Variants in NKTR observed in about 807,000 individuals in gnomAD.
NKTR encodes the protein NK-tumor recognition protein.
NKTR carries 67 observed loss-of-function variants against 156.3 expected under a neutral mutation model. The observed-to-expected ratio is 0.43, with a 90% CI of 0.35 to 0.53. The LOEUF (loss-of-function observed/expected upper bound fraction) is 0.53, where lower values mean the gene tolerates loss of function less well. NKTR is among the 20% of genes least tolerant of loss of function. The pLI is 0.01. For synonymous variants in NKTR, 640 were observed against 596.6 expected (o/e 1.07, Z -1.06); for missense variants, 1,604 against 1,730.9 (o/e 0.93, Z 1.30).
chr3:42,626,797 C>A (rs1414137287), intron 6 of NKTR, among the ~76,000 whole-genome samples: 1 of 152,070 alleles, frequency 6.6e-6, no homozygotes, highest in African/African-American at 2.4e-5. Flanking sequence ...TTTTTGCTTT[C>A]AACTGGTAGT....
At position 42,639,133 on chromosome 3, in the gene NKTR, G is replaced by A. The variant is rs1709665111; in HGVS notation, c.3429G>A (p.Glu1143=). 1 of 1,614,002 alleles carries A rather than the reference G, an allele frequency of 6.2e-7. No homozygotes were observed. The highest frequency in any genetic ancestry group is 1.3e-5 in the African/African-American group (1 of 74,906). ...ATAGGAGTTCCCCAGCAAAAGTAGA[G>A]GAGACTTCCCCTCTAGGAAATGCAC... The part of the protein sequence containing the change: ...TPDRSSPAKV[E]ETSPLGNARL... Residue 1143 remains glutamate, a synonymous_variant, in exon 13 of 17, where the codon GAG becomes GAA. Transcript: ENST00000232978.
chr3:42,614,143 A>C (rs1707114954), intron 2 of NKTR, among the ~76,000 whole-genome samples: 1 of 152,206 alleles, frequency 6.6e-6, no homozygotes, highest in Admixed American at 6.5e-5. Context: ...AATTATAAAT[A>C]GTATTTGTTG....
rs148164670 is a variant in NKTR at position 42,634,117 on chromosome 3, T to C, written c.929+382T>C. Among the ~76,000 whole-genome samples the C allele has an allele frequency of 5.3e-3, 801 of 152,280 alleles. 12 individuals carry two copies. Among genetic ancestry groups the C allele is most frequent in the African/African-American group, 0.018 (766 of 41,548 alleles). ...TTGGATCCATTTGAGTGATGAAGCA[T>C]GGGTTCCAATTTGAATAGTGCATAA... is the stretch of plus-strand genomic sequence containing the variant. On this transcript the variant is annotated intron_variant, in intron 10 of 16. Transcript: ENST00000232978.
rs1709668167 is a variant in NKTR at position 42,639,167 on chromosome 3, AC to A, written c.3467del (p.Pro1156GlnfsTer3). 6.2e-7 allele frequency: 1 copy of A among 1,613,994 alleles called. No individual in the cohort carries two copies. Among genetic ancestry groups the A allele is most frequent in the Admixed American group, 1.7e-5 (1 of 59,986 alleles). ...CCCTCTAGGAAATGCACGGCTTGATACCCCAGATATAAACATTGTTTTGAAG... is the reference window on the plus strand; with the variant it reads ...CCCTCTAGGAAATGCACGGCTTGATACCCAGATATAAACATTGTTTTGAAG... ...TSPLGNARLD[T>X]PDINIVLKQD... is the part of the protein sequence containing the mutation. On this transcript the variant is annotated frameshift_variant, in exon 13 of 17. Coordinates refer to ENST00000232978, the MANE Select transcript of NKTR (RefSeq NM_005385.4). LOFTEE classifies it high-confidence loss of function.
rs766779445 is a variant in NKTR at position 42,639,220 on chromosome 3, A to G, written c.3516A>G (p.Gln1172=). 3.1e-6 allele frequency: 5 copies of G among 1,614,100 alleles called. No homozygotes were observed. Among genetic ancestry groups the G allele is most frequent in the Non-Finnish European group, 4.2e-6 (5 of 1,180,040 alleles). Residue 1172 remains glutamine, a synonymous_variant, in exon 13 of 17, where the codon CAA becomes CAG. Transcript: ENST00000232978. ...LKQDMATEHP[Q]AEVVKQESSM... The stretch of plus-strand genomic sequence containing the variant: ...AGGATATGGCAACGGAACATCCTCA[A>G]GCAGAGGTAGTAAAACAGGAAAGCA...
At position 42,638,837 on chromosome 3, in the gene NKTR, T is replaced by C; in HGVS notation, c.3133T>C (p.Ser1045Pro). The change falls in exon 13 of 17, where the codon TCT (serine) becomes CCT (proline). Residue 1045 changes from serine (S) to proline (P), a missense_variant. Ser to Pro is a moderately conservative substitution (Grantham distance 74, BLOSUM62 -1). Coordinates refer to ENST00000232978, the MANE Select transcript of NKTR (RefSeq NM_005385.4). Reference protein sequence around the residue: ...VTQESKEKKVSENNETIKDNI... With the variant: ...VTQESKEKKVPENNETIKDNI... ...TCAGGAATCAAAAGAGAAAAAAGTTTCTGAAAACAATGAAACCATAAAAGA... is the reference window on the plus strand; with the variant it reads ...TCAGGAATCAAAAGAGAAAAAAGTTCCTGAAAACAATGAAACCATAAAAGA... 6.2e-7 allele frequency: 1 copy of C among 1,601,812 alleles called. No homozygotes were observed. Among genetic ancestry groups the C allele is most frequent in the Non-Finnish European group, 8.5e-7 (1 of 1,176,984 alleles).
In NKTR at chr3:42,646,192, C is replaced by A; in HGVS notation, c.*217C>A. ...TTATGCCACATTTTACAGTAGCCAA[C>A]TATGGAAATGAATTTCATTTTCTTG... is the stretch of plus-strand genomic sequence containing the variant. On this transcript the variant is annotated 3_prime_UTR_variant, in exon 17 of 17. Transcript: ENST00000232978. 1 of 389,044 alleles carries A rather than the reference C, an allele frequency of 2.6e-6. No homozygotes were observed. Among genetic ancestry groups the A allele is most frequent in the Non-Finnish European group, 4.8e-6 (1 of 209,986 alleles). The allele number at this position is 389,044 out of a possible 1,614,324, so 24.1% of individuals were successfully genotyped here.
Position 42,639,352 on chromosome 3 carries a change from G to C in NKTR, c.3648G>C (p.Lys1216Asn). The part of the protein sequence containing the change: ...ESTGKKEVAE[K>N]SQINLIDKKW... Reference sequence around the variant, plus strand: ...CCGGGAAGAAGGAGGTGGCTGAGAAGAGCCAGATCAACCTCATTGATAAGA... The same window carrying C: ...CCGGGAAGAAGGAGGTGGCTGAGAACAGCCAGATCAACCTCATTGATAAGA... Residue 1216 changes from lysine to asparagine, a missense_variant, in exon 13 of 17, where the codon AAG becomes AAC. Around this residue, in one of 6 missense-constraint regions of NKTR, gnomAD observed 1,255 missense variants for 1,243.7 expected, o/e 1.01. Coordinates refer to ENST00000232978, the MANE Select transcript of NKTR (RefSeq NM_005385.4). 1 of 1,614,126 alleles carries C rather than the reference G, an allele frequency of 6.2e-7. No individual in the cohort carries two copies.
intron 6 of NKTR, among the ~76,000 whole-genome samples, chr3:42,622,574 C>G (rs981334321): frequency 2.6e-5 from 4 of 151,992 alleles, no homozygotes; most frequent in African/African-American, 9.7e-5. Flanking sequence ...AAGGGGCATT[C>G]TGTTCCTAAG....
In NKTR at chr3:42,601,084, G is replaced by A; in HGVS notation, c.58+20G>A. ...AGCCGGGTGAGCTGGAAACTGGGGA[G>A]CGCTGCTGGGGCCGAGGCCTGCCTT... is the stretch of plus-strand genomic sequence containing the variant. On this transcript the variant is annotated intron_variant, in intron 2 of 16. Coordinates refer to ENST00000232978, the MANE Select transcript of NKTR (RefSeq NM_005385.4). The A allele has an allele frequency of 6.4e-7, 1 of 1,551,298 alleles. No homozygotes were observed. The highest frequency in any genetic ancestry group is 2.5e-5 in the East Asian group (1 of 40,274).
At chr3:42,608,896 C>G (rs1706496333) in intron 2 of NKTR, among the ~76,000 whole-genome samples, 1 of 152,142 alleles carries the variant, frequency 6.6e-6, no homozygotes, top group Non-Finnish European at 1.5e-5. Context: ...GAGGCCGAGG[C>G]AGGCAGATCA....
chr3:42,632,751 G>A lies in NKTR; in HGVS notation c.701G>A (p.Arg234His), dbSNP rs144333793. The A allele has an allele frequency of 1.8e-5, 29 of 1,612,316 alleles. No individual in the cohort carries two copies. The highest frequency in any genetic ancestry group is 2.1e-5 in the Non-Finnish European group (25 of 1,179,620). Residue 234 changes from arginine to histidine, a missense_variant, in exon 9 of 17, where the codon CGT (arginine) becomes CAT (histidine). Physicochemically the swap from Arg to His is conservative, Grantham distance 29. Around this residue, in one of 6 missense-constraint regions of NKTR, gnomAD observed 1,255 missense variants for 1,243.7 expected, o/e 1.01. Coordinates refer to ENST00000232978, the MANE Select transcript of NKTR (RefSeq NM_005385.4). Reference protein sequence around the residue: ...RKHKRRPKVKRSKKRRKEASS... With the variant: ...RKHKRRPKVKHSKKRRKEASS... ...CATAAGAGGAGGCCAAAAGTTAAAC[G>A]TTCTAAAAAGAGGCGAAAGGAAGCA...
At chr3:42,633,322 G>A in intron 9 of NKTR, 2 of 1,227,710 alleles carry the variant, frequency 1.6e-6, no homozygotes, top group Non-Finnish European at 2.1e-6. Context: ...GATTACAGGT[G>A]TGAGCCACAA....
At chr3:42,642,218 A>G (rs944119931) in intron 13 of NKTR, among the ~76,000 whole-genome samples, 1 of 151,590 alleles carries the variant, frequency 6.6e-6, no homozygotes, top group African/African-American at 2.4e-5. Flanking sequence ...ATTAGTGGAG[A>G]TTTGGTTTAT....
chr3:42,639,865 G>C (rs1709732413), intron 13 of NKTR, 115 bp downstream of exon 13: 4 of 827,130 alleles, frequency 4.8e-6, no homozygotes, highest in Non-Finnish European at 7.7e-6. Flanking sequence ...AAAGGAATAA[G>C]AAGTCTTGTT....
chr3:42,638,641 T>C lies in NKTR; in HGVS notation c.2937T>C (p.His979=). 1 of 1,612,178 alleles carries C rather than the reference T, an allele frequency of 6.2e-7. No individual in the cohort carries two copies. The highest frequency in any genetic ancestry group is 2.2e-5 in the East Asian group (1 of 44,830). ...GGGGAAAGCCACAAAAGCACAAACA[T>C]GGGTCAAAGGAAAATCTTAAAAGAG... is the stretch of plus-strand genomic sequence containing the variant. ...NNRGKPQKHK[H]GSKENLKREH... Residue 979 remains histidine (H), a synonymous_variant, in exon 13 of 17, where the codon CAT becomes CAC. Transcript: ENST00000232978.
At chr3:42,629,330 C>T (rs1708688113) in intron 6 of NKTR, 1 of 954,490 alleles carries the variant, frequency 1.0e-6, no homozygotes, top group African/African-American at 1.8e-5. Flanking sequence ...CTTAATATTT[C>T]CTTTAAAATT....
intron 16 of NKTR, 24 bp from the exon 17 acceptor site, chr3:42,645,864 A>G (rs1347152059): frequency 4.6e-6 from 7 of 1,518,452 alleles, no homozygotes; most frequent in Non-Finnish European, 5.4e-6. Flanking sequence ...CAAGATTTTT[A>G]TATATTTTGT....
At chr3:42,624,865 A>G (rs1708230717) in intron 6 of NKTR, among the ~76,000 whole-genome samples, 4 of 152,150 alleles carry the variant, frequency 2.6e-5, no homozygotes, top group Admixed American at 6.6e-5. Flanking sequence ...CTTTATATAC[A>G]TTAATCAAAA....
Sources: allele counts gnomAD v4.1 joint callset (sites outside exome capture counted in the v4.1 genomes callset), GRCh38; gene constraint gnomAD v4.1.1; regional missense constraint gnomAD v4.1.1; transcripts MANE v1.5; gene names NCBI Gene and HGNC (gene_info 2026-07-23, HGNC 2026-07-21).